Variants in SRRM4 observed in about 807,000 individuals in gnomAD.
SRRM4 encodes the protein serine/arginine repetitive matrix 4, also known as serine/arginine repetitive matrix protein 4.
A neutral mutation model predicts 68.9 loss-of-function variants in SRRM4; 33 were observed. The observed-to-expected ratio is 0.48, with a 90% CI of 0.36 to 0.64. The LOEUF (loss-of-function observed/expected upper bound fraction) is 0.64, where lower values mean the gene tolerates loss of function less well. SRRM4 is among the 30% of genes least tolerant of loss of function. The probability of loss-of-function intolerance (pLI) is 0.00; values close to 1 mark genes in which losing one functional copy is unlikely to be tolerated. For missense variants in SRRM4, 817 were observed against 827.1 expected (o/e 0.99, Z 0.15); for synonymous variants, 318 against 318.8 (o/e 1.00, Z 0.03).
At chr12:119,082,595 C>A (rs190566229) in intron 1 of SRRM4, among the ~76,000 whole-genome samples, 2 of 152,192 alleles carry the variant, frequency 1.3e-5, no homozygotes, top group African/African-American at 4.8e-5. Flanking sequence ...GATTCAGCCC[C>A]GCGGGCGCTG....
At chr12:119,097,532 T>C (rs1954053355) in intron 1 of SRRM4, among the ~76,000 whole-genome samples, 1 of 152,238 alleles carries the variant, frequency 6.6e-6, no homozygotes, top group Non-Finnish European at 1.5e-5. Flanking sequence ...TTCATTTTAT[T>C]TCTGTTGGTT....
At chr12:119,006,674 A>G (rs1953418293) in intron 1 of SRRM4, among the ~76,000 whole-genome samples, 1 of 152,244 alleles carries the variant, frequency 6.6e-6, no homozygotes, top group African/African-American at 2.4e-5. Flanking sequence ...CTGTCTCCCA[A>G]GGAGAATTTG....
chr12:119,035,708 T>C (rs1186734859), intron 1 of SRRM4, among the ~76,000 whole-genome samples: 3 of 152,210 alleles, frequency 2.0e-5, no homozygotes, highest in African/African-American at 7.2e-5. Flanking sequence ...ATTTCATAGG[T>C]GCCCCTCTCT....
chr12:119,033,055 A>T (rs539385732), intron 1 of SRRM4, among the ~76,000 whole-genome samples: 1 of 152,230 alleles, frequency 6.6e-6, no homozygotes, highest in South Asian at 2.1e-4. Flanking sequence ...TTTTTTCAAG[A>T]TCCAGTTTTT....
chr12:119,011,343 G>C (rs1953448404), intron 1 of SRRM4, among the ~76,000 whole-genome samples: 1 of 152,120 alleles, frequency 6.6e-6, no homozygotes, highest in Non-Finnish European at 1.5e-5. Flanking sequence ...CTTCCTTGTG[G>C]GGAGCTGTCC....
At chr12:119,126,404 A>C (rs1295331234) in intron 7 of SRRM4, among the ~76,000 whole-genome samples, 2 of 152,162 alleles carry the variant, frequency 1.3e-5, no homozygotes, top group Admixed American at 6.5e-5. Flanking sequence ...CCCATTTTAA[A>C]TATGAGAAAA....
chr12:119,152,216 A>G (rs1270865526), intron 10 of SRRM4, among the ~76,000 whole-genome samples: 1 of 152,242 alleles, frequency 6.6e-6, no homozygotes, highest in East Asian at 1.9e-4. Flanking sequence ...CTATACAATC[A>G]AAAAACAGTT....
At chr12:118,983,316 T>G (rs1953262032) in intron 1 of SRRM4, among the ~76,000 whole-genome samples, 2 of 152,104 alleles carry the variant, frequency 1.3e-5, no homozygotes, top group African/African-American at 2.4e-5. Context: ...AACAGGCCAG[T>G]AGGGTGTAGC....
At chr12:119,010,250 G>A (rs1397263357) in intron 1 of SRRM4, among the ~76,000 whole-genome samples, 2 of 152,140 alleles carry the variant, frequency 1.3e-5, no homozygotes, top group East Asian at 3.9e-4. Context: ...ACGGGGTTTC[G>A]CCATGTTGGC....
At chr12:119,032,695 A>C (rs561419713) in intron 1 of SRRM4, among the ~76,000 whole-genome samples, 1 of 152,142 alleles carries the variant, frequency 6.6e-6, no homozygotes, top group African/African-American at 2.4e-5. Context: ...CTATGTCTTG[A>C]TATAATTTAT....
chr12:119,019,275 A>G (rs2136000890), intron 1 of SRRM4, among the ~76,000 whole-genome samples: 1 of 152,330 alleles, frequency 6.6e-6, no homozygotes, highest in East Asian at 1.9e-4. Context: ...TCCTTTGTGC[A>G]ATGTGAACAA....
intron 8 of SRRM4, 65 bp downstream of exon 8, chr12:119,130,899 A>C (rs1954293697): frequency 6.6e-7 from 1 of 1,520,934 alleles, no homozygotes; most frequent in African/African-American, 1.4e-5. Context: ...GTGGAGGCAC[A>C]AGTTCAGGGC....
intron 1 of SRRM4, among the ~76,000 whole-genome samples, chr12:119,085,012 T>C (rs1953971039): frequency 6.6e-6 from 1 of 152,214 alleles, no homozygotes; most frequent in Non-Finnish European, 1.5e-5. Flanking sequence ...GCGATTCTCC[T>C]GTCTCAGCCT....
At chr12:119,028,000 C>T (rs930084993) in intron 1 of SRRM4, among the ~76,000 whole-genome samples, 1 of 152,228 alleles carries the variant, frequency 6.6e-6, no homozygotes, top group African/African-American at 2.4e-5. Flanking sequence ...AGGTGCTTTG[C>T]ACGTGTTGTT....
At chr12:119,129,467 C>T (rs1025030868) in intron 7 of SRRM4, among the ~76,000 whole-genome samples, 8 of 152,112 alleles carry the variant, frequency 5.3e-5, no homozygotes, top group African/African-American at 1.9e-4. Context: ...TGACAGTCAA[C>T]AGGATGTCTT....
chr12:119,060,814 C>T (rs1953807097), intron 1 of SRRM4, among the ~76,000 whole-genome samples: 2 of 152,106 alleles, frequency 1.3e-5, no homozygotes, highest in Admixed American at 1.3e-4. Flanking sequence ...GGGATGAGAT[C>T]AGCTCACGCC....
chr12:119,016,357 C>A (rs1471435250), intron 1 of SRRM4, among the ~76,000 whole-genome samples: 1 of 151,742 alleles, frequency 6.6e-6, no homozygotes, highest in Non-Finnish European at 1.5e-5. Flanking sequence ...CATTCAGTAA[C>A]CACCTTTCAC....
At chr12:119,084,101 G>C (rs1953965896) in intron 1 of SRRM4, among the ~76,000 whole-genome samples, 1 of 152,244 alleles carries the variant, frequency 6.6e-6, no homozygotes, top group Non-Finnish European at 1.5e-5. Context: ...CTGAGGCAAA[G>C]AGAGGGAAAT....
At position 119,108,261 on chromosome 12, in the gene SRRM4, C is replaced by T. The variant is rs552320356; in HGVS notation, c.278+5879C>T. Among the ~76,000 whole-genome samples, 426 of 152,148 alleles carry T rather than the reference C, an allele frequency of 2.8e-3. 2 individuals are homozygous for T. Among genetic ancestry groups the T allele is most frequent in the African/African-American group, 8.3e-3 (346 of 41,510 alleles). ...TATGTGGTCAATTTTGGAATAAGTG[C>T]GATGTGGTGCTGAGAAGAATGTATA... On this transcript the variant is annotated intron_variant, in intron 2 of 12. Coordinates refer to ENST00000267260, the MANE Select transcript of SRRM4 (RefSeq NM_194286.4).
Sources: gnomAD v4.1 joint callset for allele counts (sites outside exome capture counted in the v4.1 genomes callset) on GRCh38, gnomAD v4.1.1 for gene constraint, MANE v1.5 for transcripts, NCBI Gene and HGNC (gene_info 2026-07-23, HGNC 2026-07-21) for gene names.